DNASE1: variants seen among roughly 807,000 people sequenced by gnomAD.
DNASE1 encodes the protein deoxyribonuclease 1, also known as deoxyribonuclease-1.
In DNASE1, 40 loss-of-function variants were observed where a neutral mutation model predicts 33.9. The ratio of observed to expected loss-of-function variants is 1.18; its 90% CI spans 0.92 to 1.54. The LOEUF is 1.54. Among genes scored for constraint, DNASE1 ranks in the 40% most tolerant of loss-of-function variants. The pLI, the probability that DNASE1 is intolerant of heterozygous loss-of-function variation, is 0.00. For synonymous variants in DNASE1, 216 were observed against 160.0 expected (o/e 1.35, Z -2.64); for missense variants, 518 against 372.6 (o/e 1.39, Z -3.21).
upstream of DNASE1, among the ~76,000 whole-genome samples, chr16:3,640,186 T>C (rs1408372108): frequency 6.6e-6 from 1 of 152,218 alleles, no homozygotes; most frequent in Non-Finnish European, 1.5e-5. Context: ...GATTGTTTTG[T>C]TTGCTACTTC....
intron 1 of DNASE1, among the ~76,000 whole-genome samples, chr16:3,622,221 A>G (rs1008791561): frequency 2.0e-5 from 3 of 152,004 alleles, no homozygotes; most frequent in Non-Finnish European, 4.4e-5. Flanking sequence ...CTGAAAAAAA[A>G]AAAAAAAAAA....
intron 1 of DNASE1, among the ~76,000 whole-genome samples, chr16:3,618,518 T>A (rs978169814): frequency 6.6e-6 from 1 of 152,158 alleles, no homozygotes; most frequent in African/African-American, 2.4e-5. Flanking sequence ...TTACCTCTGG[T>A]CAGGAGTTTG....
rs2042702308 is a variant in DNASE1, at chr16:3,657,026, T to A, written c.464T>A (p.Leu155Gln). 6.2e-7 allele frequency: 1 copy of A among 1,613,810 alleles called. No individual in the cohort carries two copies. Among genetic ancestry groups the A allele is most frequent in the Non-Finnish European group, 8.5e-7 (1 of 1,179,962 alleles). Residue 155 changes from leucine (L) to glutamine (Q), a missense_variant, in exon 6 of 9, where the codon CTG (leucine) becomes CAG (glutamine). Coordinates refer to ENST00000246949, the MANE Select transcript of DNASE1 (RefSeq NM_005223.4). Reference protein sequence around the residue: ...TEVREFAIVPLHAAPGDAVAE... With the variant: ...TEVREFAIVPQHAAPGDAVAE... ...GTCAGGGAGTTTGCCATTGTTCCCCTGCATGCGGCCCCGGGGGACGCAGTA... is the reference window on the plus strand; with the variant it reads ...GTCAGGGAGTTTGCCATTGTTCCCCAGCATGCGGCCCCGGGGGACGCAGTA...
chr16:3,663,307 G>A (rs989844552), exon 10 of DNASE1: 144 of 1,380,564 alleles, frequency 1.0e-4, no homozygotes, highest in Non-Finnish European at 1.0e-4. Context: ...GCTCTTCTCG[G>A]GGGTGGCTGA....
upstream of DNASE1, chr16:3,652,366 C>G (rs573033237): frequency 6.6e-6 from 1 of 152,342 alleles, no homozygotes; most frequent in Non-Finnish European, 1.5e-5. Flanking sequence ...TCTAGCTTTA[C>G]TCCCTTCCCC....
At chr16:3,628,579 A>G (rs925512741) in intron 1 of DNASE1, among the ~76,000 whole-genome samples, 11 of 149,858 alleles carry the variant, frequency 7.3e-5, no homozygotes, top group African/African-American at 2.7e-4. Flanking sequence ...TTTTTTTGAG[A>G]TGGAATCTCG....
upstream of DNASE1, chr16:3,642,882 C>T (rs768558099): frequency 1.3e-5 from 2 of 152,454 alleles, no homozygotes; most frequent in Non-Finnish European, 2.9e-5. Flanking sequence ...TTTTCAATGA[C>T]TCATTCCAGG....
chr16:3,617,616 C>T (rs893539793), intron 1 of DNASE1, among the ~76,000 whole-genome samples: 5 of 152,064 alleles, frequency 3.3e-5, no homozygotes, highest in Non-Finnish European at 5.9e-5. Context: ...AGGCCTCAAC[C>T]GCAAGGTGAT....
Position 3,657,805 on chromosome 16 carries a change from AGTGACCAACTGGT to A in DNASE1, c.791_801+2del. The A allele has an allele frequency of 6.2e-7, 1 of 1,613,798 alleles. No homozygotes were observed. The highest frequency in any genetic ancestry group is 1.1e-5 in the South Asian group (1 of 91,078). ...TAACTTCCAGGCTGCCTATGGCCTG[AGTGACCAACTGGT>A]ATGTGTCCTCCCTTGCACAGCCACA... On this transcript the variant is annotated splice_donor_variant and coding_sequence_variant, in exon 8 of 9. Transcript: ENST00000246949. LOFTEE classifies it high-confidence loss of function.
chr16:3,663,979 C>T (rs1331214240), exon 10 of DNASE1: 5 of 364,112 alleles, frequency 1.4e-5, no homozygotes, highest in East Asian at 1.1e-4. Flanking sequence ...AGGAGAATGA[C>T]CTGAACCCAG....
chr16:3,624,516 T>C (rs1438834336), intron 1 of DNASE1, among the ~76,000 whole-genome samples: 3 of 152,178 alleles, frequency 2.0e-5, no homozygotes, highest in Non-Finnish European at 4.4e-5. Flanking sequence ...TGGCTGAAGC[T>C]GTTCCCATAA....
Position 3,656,676 on chromosome 16 carries a change from A to C in DNASE1, c.359A>C (p.Asp120Ala). The C allele has an allele frequency of 6.2e-7, 1 of 1,613,152 alleles. No individual in the cohort carries two copies. The highest frequency in any genetic ancestry group is 8.5e-7 in the Non-Finnish European group (1 of 1,179,628). ...TCTGCGGTGGACAGCTACTACTACG[A>C]TGATGGCTGCGAGCCCTGCGGGAAC... ...QVSAVDSYYY[D>A]DGCEPCGNDT... Residue 120 changes from aspartate to alanine, a missense_variant, in exon 5 of 9, where the codon GAT (aspartate) becomes GCT (alanine). Physicochemically the swap from Asp to Ala is moderately radical, Grantham distance 126. Transcript: ENST00000246949.
intron 4 of DNASE1, 143 bp downstream of exon 4, chr16:3,656,328 C>T (rs1419020976): frequency 6.5e-6 from 6 of 924,584 alleles, no homozygotes; most frequent in Non-Finnish European, 1.0e-5. Context: ...GAAAACACCC[C>T]AAGGTCCCGG....
At chr16:3,655,289 C>G (rs555806497) in intron 1 of DNASE1, 84 bp from the exon 2 acceptor site, 1 of 1,584,274 alleles carries the variant, frequency 6.3e-7, no homozygotes, top group Admixed American at 1.7e-5. Flanking sequence ...CCAGCCCCTG[C>G]CAGCTGGGCT....
rs78869203 is a variant in DNASE1 at position 3,657,671 on chromosome 16, G to A, written c.705-49G>A. On this transcript the variant is annotated intron_variant, in intron 7 of 8. Transcript: ENST00000246949. ...TTTAGTTCCTGCGGGTGCTGAGCCA[G>A]GCCCATGTGTGAAAGGGGAACCTAC... The A allele has an allele frequency of 1.9e-3, 3,082 of 1,609,952 alleles. 46 individuals are homozygous for A. In the African/African-American group the frequency reaches 0.037, roughly 19 times the overall value.
chr16:3,650,013 C>G (rs994735169), upstream of DNASE1, among the ~76,000 whole-genome samples: 1 of 152,046 alleles, frequency 6.6e-6, no homozygotes, highest in Non-Finnish European at 1.5e-5. Context: ...TAAAATGACC[C>G]GCCTGAGAAC....
At chr16:3,647,409 G>T (rs530032474) in intron 1 of DNASE1, among the ~76,000 whole-genome samples, 1 of 152,042 alleles carries the variant, frequency 6.6e-6, no homozygotes, top group African/African-American at 2.4e-5. Flanking sequence ...GAGTAGCTGG[G>T]ACTACAGATG....
Position 3,655,421 on chromosome 16 carries a change from A to G in DNASE1, c.48A>G (p.Leu16=), listed in dbSNP as rs2042536093. Residue 16 remains leucine, a synonymous_variant, in exon 2 of 9, where the codon CTA becomes CTG. Transcript: ENST00000246949. ...GGGCGCTGCTGGCACTGGCGGCCCT[A>G]CTGCAGGGGGCCGTGTCCCTGAAGA... ...LLGALLALAA[L]LQGAVSLKIA... is the part of the protein sequence containing the mutation. The G allele has an allele frequency of 1.9e-6, 3 of 1,614,000 alleles. No individual in the cohort carries two copies. The highest frequency in any genetic ancestry group is 1.1e-5 in the South Asian group (1 of 91,082).
At chr16:3,625,606 G>A (rs191110575) in intron 1 of DNASE1, among the ~76,000 whole-genome samples, 1 of 152,138 alleles carries the variant, frequency 6.6e-6, no homozygotes, top group East Asian at 1.9e-4. Context: ...CTGGGCAACA[G>A]AGCAAGACCC....
Sources: allele counts gnomAD v4.1 joint callset (sites outside exome capture counted in the v4.1 genomes callset), GRCh38; gene constraint gnomAD v4.1.1; transcripts MANE v1.5; gene names NCBI Gene and HGNC (gene_info 2026-07-23, HGNC 2026-07-21).